The following EFEMP1 variants were observed in gnomAD, a reference collection of about 807,000 sequenced individuals.
EFEMP1 encodes EGF-like fibulin extracellular matrix protein 1, also known as EGF-containing fibulin-like extracellular matrix protein 1.
EFEMP1 carries 18 observed loss-of-function variants against 65.7 expected under a neutral mutation model. That is an observed-to-expected ratio of 0.27 (90% CI 0.19 to 0.41). EFEMP1 has a LOEUF of 0.41. Ranked by LOEUF, EFEMP1 falls within the 10% of genes least tolerant of loss-of-function variation. The pLI is 1.00. For synonymous variants in EFEMP1, 237 were observed against 219.7 expected, an observed-to-expected ratio of 1.08 and a Z score of -0.70; for missense variants, 469 against 624.8, an observed-to-expected ratio of 0.75 and a Z score of 2.66.
chr2:55,896,686 AAT>A (rs1307041837), intron 5 of EFEMP1, among the ~76,000 whole-genome samples: 1 of 152,244 alleles, frequency 6.6e-6, no homozygotes, highest in Non-Finnish European at 1.5e-5. Flanking sequence ...CAGGTTAACA[AAT>A]GAGAACTCAG....
Position 55,867,443 on chromosome 2 carries a change from C to CT in EFEMP1, c.1321-210dup, listed in dbSNP as rs35060930. 0.22 allele frequency among the ~76,000 whole-genome samples: 32,206 copies of CT among 143,616 alleles called. 4,306 individuals are homozygous for CT. The highest frequency in any genetic ancestry group is 0.73 in the East Asian group (3,605 of 4,934). The allele number at this position is 143,616 out of a possible 152,430, so 94.2% of individuals were successfully genotyped here. The stretch of plus-strand genomic sequence containing the variant: ...ATTAGCTCCAAGTTTCAAGGACTTG[C>CT]TTTTTTTTTTTTTTAAATAGTTCTT... On this transcript the variant is annotated intron_variant, in intron 11 of 11. Coordinates refer to ENST00000355426, the MANE Select transcript of EFEMP1 (RefSeq NM_001039348.3). The surrounding 1 kb of genome is among the most constrained non-coding windows in gnomAD (Gnocchi z 4.3).
rs1338727958 is a variant in EFEMP1, at chr2:55,881,746, A to G, written c.518-12T>C. On this transcript the variant is annotated splice_polypyrimidine_tract_variant and intron_variant, in intron 5 of 11. Transcript: ENST00000355426. ...GCACTCGTCTATGTCTGTCAGAGAC[A>G]TGCAACACAGAAAGAATTGTCAGTT... is the stretch of plus-strand genomic sequence containing the variant. 3 of 1,613,962 alleles carry G rather than the reference A, an allele frequency of 1.9e-6. No homozygotes were observed. The highest frequency in any genetic ancestry group is 2.2e-5 in the East Asian group (1 of 44,880).
chr2:55,894,790 G>C (rs1669752720), intron 5 of EFEMP1, among the ~76,000 whole-genome samples: 1 of 152,148 alleles, frequency 6.6e-6, no homozygotes, highest in Non-Finnish European at 1.5e-5. Flanking sequence ...TCTTGTAAGA[G>C]AGAGTATTAA....
rs1668590147 is a variant in EFEMP1, at chr2:55,866,695, T to C, written c.*378A>G. 1.1e-5 allele frequency: 2 copies of C among 189,748 alleles called. No homozygotes were observed. The highest frequency in any genetic ancestry group is 4.7e-5 in the African/African-American group (2 of 42,352). The allele number at this position is 189,748 out of a possible 1,614,324, so 11.8% of individuals were successfully genotyped here. A position where few individuals can be genotyped will look rare whatever the true frequency, so the allele number is the denominator to read the frequency against. Reference sequence around the variant, plus strand: ...ATTCTTACCCTTGCATGCTATTCAATGGTTATGATGGCTGCCTCCTTATGA... The same window carrying C: ...ATTCTTACCCTTGCATGCTATTCAACGGTTATGATGGCTGCCTCCTTATGA... On this transcript the variant is annotated 3_prime_UTR_variant, in exon 12 of 12. Transcript: ENST00000355426.
intron 5 of EFEMP1, among the ~76,000 whole-genome samples, chr2:55,905,271 A>G (rs1028372685): frequency 1.3e-5 from 2 of 152,148 alleles, no homozygotes; most frequent in Non-Finnish European, 2.9e-5. Flanking sequence ...AATTAGTGTA[A>G]TCTTCTTTAT....
At chr2:55,911,425 G>C (rs1416454090) in intron 5 of EFEMP1, among the ~76,000 whole-genome samples, 2 of 152,006 alleles carry the variant, frequency 1.3e-5, no homozygotes, top group Non-Finnish European at 2.9e-5. Context: ...TCAGACTTGA[G>C]TAGGCGTCCA....
chr2:55,917,582 T>A lies in EFEMP1; in HGVS notation c.517+83A>T. 6.4e-7 allele frequency: 1 copy of A among 1,570,262 alleles called. No individual in the cohort carries two copies. The highest frequency in any genetic ancestry group is 8.8e-7 in the Non-Finnish European group (1 of 1,140,674). On this transcript the variant is annotated intron_variant, in intron 5 of 11. Coordinates refer to ENST00000355426, the MANE Select transcript of EFEMP1 (RefSeq NM_001039348.3). This position sits in a 1 kb window ranked among gnomAD's most constrained non-coding sequence, Gnocchi z 6.3. ...AGCATGATGTCTGGCACGCGAGAAG[T>A]CCTTAATAAATTATCATCATCCTCA...
chr2:55,876,578 C>A, intron 8 of EFEMP1, 45 bp downstream of exon 8: 1 of 1,603,986 alleles, frequency 6.2e-7, no homozygotes, highest in South Asian at 1.1e-5. Context: ...CAACAGCAGT[C>A]ACAGGAATTG....
At chr2:55,895,406 T>C (rs1669783779) in intron 5 of EFEMP1, among the ~76,000 whole-genome samples, 1 of 152,240 alleles carries the variant, frequency 6.6e-6, no homozygotes, top group African/African-American at 2.4e-5. Flanking sequence ...GCCACTTGTC[T>C]GCCTTTGTCC....
intron 5 of EFEMP1, among the ~76,000 whole-genome samples, chr2:55,897,938 C>G (rs1669890179): frequency 6.6e-6 from 1 of 152,108 alleles, no homozygotes; most frequent in East Asian, 1.9e-4. Context: ...TTGCAAAAAC[C>G]TTGTTACAAT....
rs1172200629 is a variant in EFEMP1, at chr2:55,919,384, T to C, written c.82-1117A>G. 2.0e-5 allele frequency among the ~76,000 whole-genome samples: 3 copies of C among 151,944 alleles called. No individual in the cohort carries two copies. The highest frequency in any genetic ancestry group is 4.4e-5 in the Non-Finnish European group (3 of 68,008). ...GGCCCACCCAAAGGATTTGATTCTG[T>C]AGGTCTGGGTAGGGGGCCTGGAATC... On this transcript the variant is annotated intron_variant, in intron 3 of 11. Coordinates refer to ENST00000355426, the MANE Select transcript of EFEMP1 (RefSeq NM_001039348.3). The surrounding 1 kb of genome is among the most constrained non-coding windows in gnomAD (Gnocchi z 4.5).
rs139210429 is a variant in EFEMP1, at chr2:55,920,817, T to C, written c.81+1543A>G. ...ACATTGCCGCAAGGATCAAAGGAGA[T>C]CGTGTCTCCACAGCGGGATACTCAG... is the stretch of plus-strand genomic sequence containing the variant. On this transcript the variant is annotated intron_variant, in intron 3 of 11. Transcript: ENST00000355426. Among the ~76,000 whole-genome samples the C allele has an allele frequency of 9.3e-3, 1,410 of 152,264 alleles. 13 individuals are homozygous for C. The highest frequency in any genetic ancestry group is 0.016 in the South Asian group (77 of 4,824).
chr2:55,886,603 T>C lies in EFEMP1; in HGVS notation c.518-4869A>G, dbSNP rs1463350374. Reference sequence around the variant, plus strand: ...GTTAGAAGGAAGAGCTTCTTTACCATTGGCCTCCTTCCTCCCAACATTCTT... The same window carrying C: ...GTTAGAAGGAAGAGCTTCTTTACCACTGGCCTCCTTCCTCCCAACATTCTT... On this transcript the variant is annotated intron_variant, in intron 5 of 11. Transcript: ENST00000355426. This position sits in a 1 kb window ranked among gnomAD's most constrained non-coding sequence, Gnocchi z 4.0. Among the ~76,000 whole-genome samples the C allele has an allele frequency of 1.3e-5, 2 of 152,312 alleles. No homozygotes were observed. The highest frequency in any genetic ancestry group is 3.4e-3 in the Middle Eastern group (1 of 294).
rs569615063 is a variant in EFEMP1, at chr2:55,921,981, A to G, written c.81+379T>C. ...GTGTTTAACGTTCTTACTTGACTTG[A>G]GTCTTATTCTGCACGTATTGGTTTT... On this transcript the variant is annotated intron_variant, in intron 3 of 11. Coordinates refer to ENST00000355426, the MANE Select transcript of EFEMP1 (RefSeq NM_001039348.3). The surrounding 1 kb of genome is among the most constrained non-coding windows in gnomAD (Gnocchi z 4.1). 215 of 283,656 alleles carry G rather than the reference A, an allele frequency of 7.6e-4. No individual in the cohort carries two copies. Among genetic ancestry groups the G allele is most frequent in the Non-Finnish European group, 1.3e-3 (185 of 144,942 alleles). 17.6% of individuals were successfully genotyped at this position (283,656 alleles called of 1,614,324 possible).
chr2:55,894,576 A>G (rs1356456777), intron 5 of EFEMP1, among the ~76,000 whole-genome samples: 2 of 152,230 alleles, frequency 1.3e-5, no homozygotes, highest in Non-Finnish European at 1.5e-5. Context: ...TCATTCAGTC[A>G]TATCAGATAG....
chr2:55,916,298 T>C lies in EFEMP1; in HGVS notation c.517+1367A>G, dbSNP rs974140739. On this transcript the variant is annotated intron_variant, in intron 5 of 11. Transcript: ENST00000355426. ...AGAATTTTTGTATTTTTAGTAGAGA[T>C]GGGGTTTCGCCATGTTGGCCAGGCT... 2.8e-3 allele frequency among the ~76,000 whole-genome samples: 429 copies of C among 152,060 alleles called. 8 individuals carry two copies. Among genetic ancestry groups the C allele is most frequent in the Non-Finnish European group, 1.0e-3 (70 of 68,006 alleles).
intron 5 of EFEMP1, among the ~76,000 whole-genome samples, chr2:55,884,980 T>G (rs1669373989): frequency 6.6e-6 from 1 of 152,110 alleles, no homozygotes; most frequent in African/African-American, 2.4e-5. Flanking sequence ...GTACCTAAAG[T>G]TTCAGGAAAA....
At position 55,876,644 on chromosome 2, in the gene EFEMP1, T is replaced by C; in HGVS notation, c.859A>G (p.Ser287Gly). Reference sequence around the variant, plus strand: ...TTACCTTCACAGTTGAGCCTGTCACTGCTTAGCTCATATCCTTGATTGCAC... The same window carrying C: ...TTACCTTCACAGTTGAGCCTGTCACCGCTTAGCTCATATCCTTGATTGCAC... ...CQCNQGYELS[S>G]DRLNCEDIDE... Residue 287 changes from serine to glycine, a missense_variant, in exon 8 of 12, where the codon AGT becomes GGT. Around this residue, in one of 3 missense-constraint regions of EFEMP1, gnomAD observed 399 missense variants for 528.2 expected, o/e 0.76. Transcript: ENST00000355426. The C allele has an allele frequency of 6.2e-7, 1 of 1,612,378 alleles. No homozygotes were observed. The highest frequency in any genetic ancestry group is 1.7e-5 in the Admixed American group (1 of 59,910).
intron 5 of EFEMP1, among the ~76,000 whole-genome samples, chr2:55,911,414 C>G (rs1185355773): frequency 6.6e-6 from 1 of 151,954 alleles, no homozygotes; most frequent in Non-Finnish European, 1.5e-5. Flanking sequence ...GGCATTGGTT[C>G]TCAGACTTGA....
Sources: allele counts gnomAD v4.1 joint callset (sites outside exome capture counted in the v4.1 genomes callset), GRCh38; gene constraint gnomAD v4.1.1; regional missense constraint gnomAD v4.1.1; non-coding constraint Gnocchi (gnomAD v3.1); transcripts MANE v1.5; gene names NCBI Gene and HGNC (gene_info 2026-07-23, HGNC 2026-07-21).